Variants in RGS21 observed in about 807,000 individuals in gnomAD.
RGS21 encodes the protein regulator of G protein signaling 21, also known as regulator of G-protein signalling 21.
RGS21 carries 19 observed loss-of-function variants against 18.7 expected under a neutral mutation model. The observed-to-expected ratio is 1.01, with a 90% confidence interval of 0.71 to 1.49. The LOEUF (loss-of-function observed/expected upper bound fraction) is 1.49, where lower values mean the gene tolerates loss of function less well. Among genes scored for constraint, RGS21 ranks in the 40% most tolerant of loss-of-function variants. RGS21 has a pLI of 0.00. For synonymous variants in RGS21, 56 were observed against 57.8 expected (o/e 0.97, Z 0.14); for missense variants, 194 against 176.8 (o/e 1.10, Z -0.55).
In RGS21 at chr1:192,352,231, G is replaced by T; in HGVS notation, c.255+18G>T. 6.4e-7 allele frequency: 1 copy of T among 1,571,600 alleles called. No homozygotes were observed. The stretch of plus-strand genomic sequence containing the variant: ...CTAAAGAGGTGAGTGAACTACTTCA[G>T]AACAGTGAAGAGTCATCCTGTAGCA... On this transcript the variant is annotated intron_variant, in intron 4 of 4. Transcript: ENST00000417209.
At chr1:192,323,660 T>G (rs987894270) in intron 1 of RGS21, among the ~76,000 whole-genome samples, 8 of 151,970 alleles carry the variant, frequency 5.3e-5, no homozygotes, top group Non-Finnish European at 7.4e-5. Flanking sequence ...CTTAGACGCT[T>G]ATGGAGATTT....
intron 2 of RGS21, among the ~76,000 whole-genome samples, chr1:192,345,573 T>G (rs1194969906): frequency 2.0e-5 from 3 of 152,118 alleles, no homozygotes; most frequent in Non-Finnish European, 4.4e-5. Context: ...ATCAGATGAC[T>G]TACATACTAA....
chr1:192,335,732 T>C (rs1479597205), intron 1 of RGS21, among the ~76,000 whole-genome samples: 2 of 152,150 alleles, frequency 1.3e-5, no homozygotes, highest in Non-Finnish European at 2.9e-5. Context: ...GGTATAATTT[T>C]TAAGCTATGC....
At chr1:192,338,824 G>C (rs1658809150) in intron 1 of RGS21, among the ~76,000 whole-genome samples, 1 of 151,938 alleles carries the variant, frequency 6.6e-6, no homozygotes, top group Non-Finnish European at 1.5e-5. Flanking sequence ...TTGAATACAT[G>C]AACATTTAAG....
chr1:192,348,834 T>C (rs1658993644), intron 3 of RGS21, among the ~76,000 whole-genome samples: 1 of 152,094 alleles, frequency 6.6e-6, no homozygotes, highest in African/African-American at 2.4e-5. Flanking sequence ...ATTAGAATAT[T>C]AGAAAAATAT....
At chr1:192,333,775 G>A (rs1238875771) in intron 1 of RGS21, among the ~76,000 whole-genome samples, 2 of 151,512 alleles carry the variant, frequency 1.3e-5, no homozygotes, top group African/African-American at 4.8e-5. Flanking sequence ...TGGTGGTTAT[G>A]TAAATCTACA....
intron 4 of RGS21, among the ~76,000 whole-genome samples, chr1:192,352,890 A>C (rs1191804172): frequency 6.6e-6 from 1 of 152,042 alleles, no homozygotes; most frequent in Non-Finnish European, 1.5e-5. Flanking sequence ...ATCATCTTCA[A>C]ATCATTTTAA....
intron 1 of RGS21, among the ~76,000 whole-genome samples, chr1:192,321,747 C>T (rs1658500766): frequency 6.6e-6 from 1 of 151,954 alleles, no homozygotes; most frequent in South Asian, 2.1e-4. Flanking sequence ...GACATACTCA[C>T]TCTTTGATGT....
intron 4 of RGS21, among the ~76,000 whole-genome samples, chr1:192,358,655 G>A (rs1659141503): frequency 6.6e-6 from 1 of 152,038 alleles, no homozygotes; most frequent in South Asian, 2.1e-4. Flanking sequence ...TCTAAATGAG[G>A]AAAGGCTATC....
At chr1:192,351,963 G>T in intron 3 of RGS21, 84 bp from the exon 4 acceptor site, 1 of 689,836 alleles carries the variant, frequency 1.4e-6, no homozygotes, top group East Asian at 2.8e-5. Context: ...TCCAGTAAAT[G>T]CTCATATTAT....
chr1:192,335,975 T>G (rs1557976459), intron 1 of RGS21, among the ~76,000 whole-genome samples: 1 of 152,188 alleles, frequency 6.6e-6, no homozygotes, highest in Non-Finnish European at 1.5e-5. Flanking sequence ...CAAAAAAATT[T>G]TTTAGTTGCT....
At chr1:192,344,744 T>G (rs1174509456) in intron 2 of RGS21, among the ~76,000 whole-genome samples, 1 of 152,036 alleles carries the variant, frequency 6.6e-6, no homozygotes, top group African/African-American at 2.4e-5. Flanking sequence ...ACATCTCAGA[T>G]AGTCAAAATT....
chr1:192,365,356 T>C lies in RGS21; in HGVS notation c.256-565T>C, dbSNP rs527793155. The stretch of plus-strand genomic sequence containing the variant: ...ACTCGCTGGAAATGCCTATATGTGG[T>C]AATGATAAAGAAACAGGGAGATTAT... On this transcript the variant is annotated intron_variant, in intron 4 of 4. Coordinates refer to ENST00000417209, the MANE Select transcript of RGS21 (RefSeq NM_001039152.3). Among the ~76,000 whole-genome samples, 3 of 152,198 alleles carry C rather than the reference T, an allele frequency of 2.0e-5. No homozygotes were observed. The South Asian group carries it at 6.2e-4, about 32-fold the overall frequency.
intron 3 of RGS21, 151 bp downstream of exon 3, chr1:192,347,540 A>G: frequency 1.9e-6 from 1 of 522,894 alleles, no homozygotes; most frequent in Middle Eastern, 5.3e-4. Context: ...CAAAATCTAA[A>G]TAGAATCAGG....
chr1:192,354,737 T>C (rs1015758664), intron 4 of RGS21, among the ~76,000 whole-genome samples: 29 of 151,518 alleles, frequency 1.9e-4, no homozygotes, highest in African/African-American at 6.3e-4. Context: ...TATAACCAGT[T>C]TCCTTGGTAA....
At chr1:192,359,612 T>G (rs913861151) in intron 4 of RGS21, among the ~76,000 whole-genome samples, 1 of 149,032 alleles carries the variant, frequency 6.7e-6, no homozygotes, top group African/African-American at 2.5e-5. Flanking sequence ...GGAAGAAATA[T>G]GTATCTATGT....
chr1:192,330,178 A>G (rs1211316511), intron 1 of RGS21, among the ~76,000 whole-genome samples: 1 of 152,188 alleles, frequency 6.6e-6, no homozygotes, highest in East Asian at 1.9e-4. Flanking sequence ...TACACAAGAT[A>G]GAAAGTGATA....
chr1:192,365,947 C>T lies in RGS21; in HGVS notation c.282C>T (p.Asp94=), dbSNP rs748082665. 1 of 1,607,354 alleles carries T rather than the reference C, an allele frequency of 6.2e-7. No individual in the cohort carries two copies. The highest frequency in any genetic ancestry group is 1.1e-5 in the South Asian group (1 of 90,410). Residue 94 remains aspartate (D), a synonymous_variant, in exon 5 of 5, where the codon GAC becomes GAT. Coordinates refer to ENST00000417209, the MANE Select transcript of RGS21 (RefSeq NM_001039152.3). ...TTAACATTGACTTCGGTACCAGAGA[C>T]CTCATCTCAAAGAATATTGCTGAAC... ...KEINIDFGTR[D]LISKNIAEPT... is the part of the protein sequence containing the mutation.
intron 3 of RGS21, among the ~76,000 whole-genome samples, chr1:192,349,969 T>G (rs1253351841): frequency 6.6e-6 from 1 of 152,198 alleles, no homozygotes; most frequent in Non-Finnish European, 1.5e-5. Flanking sequence ...CTTTATTCTC[T>G]CTATAAAAAT....
Sources: gnomAD v4.1 joint callset for allele counts (sites outside exome capture counted in the v4.1 genomes callset) on GRCh38, gnomAD v4.1.1 for gene constraint, MANE v1.5 for transcripts, NCBI Gene and HGNC (gene_info 2026-07-23, HGNC 2026-07-21) for gene names.